The following MYO5B variants were observed in gnomAD, a reference collection of about 807,000 sequenced individuals.
The protein encoded by MYO5B is unconventional myosin-Vb.
Under a neutral mutation model 229.3 loss-of-function variants are expected in MYO5B, and 143 were observed. The ratio of observed to expected loss-of-function variants is 0.62; its 90% CI spans 0.54 to 0.72. The LOEUF (loss-of-function observed/expected upper bound fraction) is 0.72. Ranked by LOEUF, MYO5B falls within the 30% of genes least tolerant of loss-of-function variation. The pLI is 0.00. For synonymous variants in MYO5B, 918 were observed against 885.2 expected (o/e 1.04, Z -0.66); for missense variants, 2,321 against 2,331.0 (o/e 1.00, Z 0.09).
intron 17 of MYO5B, among the ~76,000 whole-genome samples, chr18:49,914,775 CAAAAAA>C (rs5824810): frequency 9.4e-6 from 1 of 106,188 alleles, no homozygotes. Flanking sequence ...GACCTTGTCT[CAAAAAA>C]AAAAAAAAAA....
intron 1 of MYO5B, among the ~76,000 whole-genome samples, chr18:50,185,091 A>C (rs923003029): frequency 1.3e-5 from 2 of 152,026 alleles, no homozygotes; most frequent in East Asian, 3.9e-4. Flanking sequence ...AAAAATAAAA[A>C]ATATAGAGTA....
At chr18:50,101,682 A>C (rs2031657763) in intron 1 of MYO5B, among the ~76,000 whole-genome samples, 1 of 152,226 alleles carries the variant, frequency 6.6e-6, no homozygotes, top group Admixed American at 6.5e-5. Flanking sequence ...TCAAAACCAC[A>C]ATGAGATACC....
At chr18:49,877,129 G>A (rs1356513063) in intron 25 of MYO5B, among the ~76,000 whole-genome samples, 4 of 152,022 alleles carry the variant, frequency 2.6e-5, no homozygotes, top group Admixed American at 1.3e-4. Flanking sequence ...GTGTACGTGC[G>A]CGCACACACA....
intron 1 of MYO5B, among the ~76,000 whole-genome samples, chr18:50,135,321 ACT>A (rs2032319014): frequency 6.6e-6 from 1 of 152,198 alleles, no homozygotes; most frequent in Non-Finnish European, 1.5e-5. Flanking sequence ...AGTCCAGAAG[ACT>A]CAACCTTTCA....
chr18:50,190,908 T>C (rs1307650995), intron 1 of MYO5B, among the ~76,000 whole-genome samples: 2 of 152,324 alleles, frequency 1.3e-5, no homozygotes, highest in African/African-American at 4.8e-5. Flanking sequence ...GCATAATGGG[T>C]AATTATTTCC....
chr18:49,908,245 T>C (rs771553676), intron 18 of MYO5B, among the ~76,000 whole-genome samples: 3 of 152,200 alleles, frequency 2.0e-5, no homozygotes, highest in African/African-American at 7.2e-5. Flanking sequence ...GAGACACCCA[T>C]CAGCCTCATC....
chr18:49,974,697 A>G, intron 9 of MYO5B, 82 bp from the exon 10 acceptor site: 1 of 1,532,172 alleles, frequency 6.5e-7, no homozygotes, highest in Non-Finnish European at 8.8e-7. Flanking sequence ...CCTCCTGCCC[A>G]GAGGGAAAAC....
intron 1 of MYO5B, among the ~76,000 whole-genome samples, chr18:50,132,000 T>C (rs1401405161): frequency 1.3e-5 from 2 of 152,186 alleles, no homozygotes; most frequent in East Asian, 1.9e-4. Context: ...CACTATTTTT[T>C]CCCAAACAAT....
In MYO5B at chr18:49,861,744, C is replaced by A. The variant is rs1287490851; in HGVS notation, c.3944+1483G>T. On this transcript the variant is annotated intron_variant, in intron 29 of 39. Coordinates refer to ENST00000285039, the MANE Select transcript of MYO5B (RefSeq NM_001080467.3). The stretch of plus-strand genomic sequence containing the variant: ...CCACCCGTGGGCCTAAGCTGTTCCA[C>A]CCCCCCGGGCCTCAGTCTCCTTCTC... Among the ~76,000 whole-genome samples, 4 of 152,172 alleles carry A rather than the reference C, an allele frequency of 2.6e-5. No homozygotes were observed. The East Asian group carries it at 7.7e-4, about 29-fold the overall frequency.
In MYO5B at chr18:49,930,891, C is replaced by CA. The variant is rs139716218; in HGVS notation, c.2004-1294dup. On this transcript the variant is annotated intron_variant, in intron 16 of 39. Coordinates refer to ENST00000285039, the MANE Select transcript of MYO5B (RefSeq NM_001080467.3). ...TGGGTGACAGAGTGAGACTCTGTCT[C>CA]AAAAAAAAACACTAGTAAGAAAAAA... Among the ~76,000 whole-genome samples the CA allele has an allele frequency of 1.0e-3, 141 of 140,824 alleles. 3 individuals are homozygous for CA. Among genetic ancestry groups the CA allele is most frequent in the African/African-American group, 2.4e-3 (91 of 37,774 alleles). The allele number at this position is 140,824 out of a possible 152,430, so 92.4% of individuals were successfully genotyped here.
In MYO5B at chr18:49,937,160, C is replaced by T. The variant is rs1429268127; in HGVS notation, c.1905+85G>A. ...TGTCAAGGCTGCTGTGATGGCTTCC[C>T]TCTCACCCTGCCGCCATCCTTCATC... On this transcript the variant is annotated intron_variant, in intron 15 of 39. Coordinates refer to ENST00000285039, the MANE Select transcript of MYO5B (RefSeq NM_001080467.3). 13 of 1,531,976 alleles carry T rather than the reference C, an allele frequency of 8.5e-6. No individual in the cohort carries two copies. In the East Asian group the frequency reaches 2.7e-4, roughly 32 times the overall value. 94.9% of individuals were successfully genotyped at this position (1,531,976 alleles called of 1,614,324 possible).
chr18:50,181,613 A>G (rs1217131309), intron 1 of MYO5B, among the ~76,000 whole-genome samples: 11 of 152,242 alleles, frequency 7.2e-5, no homozygotes, highest in African/African-American at 2.7e-4. Flanking sequence ...CATAAGATGT[A>G]TTGATGAGCT....
chr18:49,997,703 T>C (rs2026004434), intron 5 of MYO5B, among the ~76,000 whole-genome samples: 1 of 152,142 alleles, frequency 6.6e-6, no homozygotes, highest in South Asian at 2.1e-4. Flanking sequence ...ATCATCCCAG[T>C]GCACCCCAGC....
chr18:50,165,473 G>A (rs911326739), intron 1 of MYO5B, among the ~76,000 whole-genome samples: 5 of 139,640 alleles, frequency 3.6e-5, no homozygotes, highest in Admixed American at 3.0e-4. Context: ...GCATAAGACT[G>A]TGTTTCAAAA....
chr18:50,053,878 A>G (rs765749290), intron 2 of MYO5B, among the ~76,000 whole-genome samples: 5 of 152,336 alleles, frequency 3.3e-5, no homozygotes, highest in Middle Eastern at 3.4e-3. Flanking sequence ...GAGAGGAAAC[A>G]GTATCTCCAA....
intron 4 of MYO5B, among the ~76,000 whole-genome samples, chr18:50,002,071 T>C (rs2026054331): frequency 6.6e-6 from 1 of 151,796 alleles, no homozygotes; most frequent in African/African-American, 2.4e-5. Flanking sequence ...GCACACACTT[T>C]CAGTTATATC....
At chr18:50,114,613 T>C (rs756220366) in intron 1 of MYO5B, among the ~76,000 whole-genome samples, 1 of 152,244 alleles carries the variant, frequency 6.6e-6, no homozygotes, top group Non-Finnish European at 1.5e-5. Context: ...GCATGTTAAG[T>C]GTCAGCTGAC....
intron 27 of MYO5B, among the ~76,000 whole-genome samples, chr18:49,864,901 T>C (rs1300095274): frequency 2.6e-5 from 4 of 152,226 alleles, no homozygotes; most frequent in Non-Finnish European, 5.9e-5. Flanking sequence ...CACAGTTTTG[T>C]TGTTTTGGTC....
intron 1 of MYO5B, among the ~76,000 whole-genome samples, chr18:50,075,478 T>C (rs1453419502): frequency 6.6e-6 from 1 of 152,210 alleles, no homozygotes; most frequent in Non-Finnish European, 1.5e-5. Flanking sequence ...CTAATCCTTA[T>C]AACTCTTCTG....
Sources: gnomAD v4.1 joint callset for allele counts (sites outside exome capture counted in the v4.1 genomes callset) on GRCh38, gnomAD v4.1.1 for gene constraint, MANE v1.5 for transcripts, NCBI Gene and HGNC (gene_info 2026-07-23, HGNC 2026-07-21) for gene names.